EYS: variants seen among roughly 807,000 people sequenced by gnomAD.
EYS encodes protein eyes shut homolog.
A neutral mutation model predicts 282.1 loss-of-function variants in EYS; 250 were observed. The observed-to-expected ratio is 0.89, with a 90% CI of 0.80 to 0.98. EYS has a LOEUF of 0.98. Ranked by LOEUF, EYS falls within the 50% of genes least tolerant of loss-of-function variation. The pLI, the probability that EYS is intolerant of heterozygous loss-of-function variation, is 0.00. For synonymous variants in EYS, 1,355 were observed against 1,282.9 expected, an observed-to-expected ratio of 1.06 and a Z score of -1.20; for missense variants, 4,016 against 3,709.0, an observed-to-expected ratio of 1.08 and a Z score of -2.15.
intron 13 of EYS, among the ~76,000 whole-genome samples, chr6:65,048,882 C>G (rs1319898264): frequency 6.6e-6 from 1 of 151,804 alleles, no homozygotes; most frequent in Non-Finnish European, 1.5e-5. Context: ...TATCCAATTA[C>G]CTAACTCAAG....
chr6:65,493,492 C>T (rs1766123271), intron 4 of EYS, among the ~76,000 whole-genome samples: 1 of 152,146 alleles, frequency 6.6e-6, no homozygotes, highest in Admixed American at 6.5e-5. Context: ...TGTAACTCTC[C>T]ATGCCAGGTC....
chr6:64,743,008 A>T lies in EYS; in HGVS notation c.3443+70370T>A, dbSNP rs550302889. ...AAGGATTTAGTCTCTTTCCTCCCAT[A>T]CTGTGCTATCTGCTAAGATTTACTT... On this transcript the variant is annotated intron_variant, in intron 22 of 42. Transcript: ENST00000503581. Among the ~76,000 whole-genome samples, 33 of 152,232 alleles carry T rather than the reference A, an allele frequency of 2.2e-4. No individual in the cohort carries two copies. The East Asian group carries it at 4.8e-3, about 22-fold the overall frequency.
At chr6:65,124,911 T>A (rs1283696497) in intron 12 of EYS, among the ~76,000 whole-genome samples, 1 of 152,184 alleles carries the variant, frequency 6.6e-6, no homozygotes, top group Non-Finnish European at 1.5e-5. Flanking sequence ...AAATAAATAG[T>A]CACAGTGGAG....
Position 64,813,506 on chromosome 6 carries a change from G to A in EYS, c.3315C>T (p.Cys1105=), listed in dbSNP as rs2150016219. 15 of 1,550,448 alleles carry A rather than the reference G, an allele frequency of 9.7e-6. No individual in the cohort carries two copies. Among genetic ancestry groups the A allele is most frequent in the Non-Finnish European group, 1.1e-5 (13 of 1,146,192 alleles). Residue 1105 remains cysteine (C), a synonymous_variant, in exon 22 of 43, where the codon TGC becomes TGT. Coordinates refer to ENST00000503581, the MANE Select transcript of EYS (RefSeq NM_001142800.2). ...AGTATGCACCAGTGTATCCACGTGG[G>A]CAAATGCAAGTAAATCCATGTGCTG... The part of the protein sequence containing the change: ...QKSAHGFTCI[C]PRGYTGAYCE...
intron 35 of EYS, among the ~76,000 whole-genome samples, chr6:63,941,116 C>G (rs1245178591): frequency 5.3e-5 from 8 of 152,130 alleles, no homozygotes. Context: ...CAAGTCTTTG[C>G]TATTGTGAAT....
chr6:64,380,910 G>A (rs1772724419), intron 29 of EYS, among the ~76,000 whole-genome samples: 1 of 151,914 alleles, frequency 6.6e-6, no homozygotes, highest in South Asian at 2.1e-4. Flanking sequence ...AGCCACTCAG[G>A]AGGCTGAGGC....
chr6:64,598,235 C>A (rs1484558058), intron 24 of EYS, among the ~76,000 whole-genome samples: 2 of 152,098 alleles, frequency 1.3e-5, no homozygotes, highest in South Asian at 4.1e-4. Context: ...CCCAGGTGGG[C>A]GGATCACAAG....
chr6:65,611,410 T>C (rs745378718), intron 2 of EYS, among the ~76,000 whole-genome samples: 2 of 152,012 alleles, frequency 1.3e-5, no homozygotes, highest in South Asian at 4.1e-4. Context: ...ATGAATATAA[T>C]ATGGGTATAT....
At chr6:64,498,526 A>C (rs548479911) in intron 26 of EYS, among the ~76,000 whole-genome samples, 17 of 152,004 alleles carry the variant, frequency 1.1e-4, no homozygotes, top group African/African-American at 4.1e-4. Context: ...TACATAGGTA[A>C]ACATGTGCCA....
At chr6:65,385,233 A>T (rs1205381171) in intron 7 of EYS, among the ~76,000 whole-genome samples, 1 of 151,916 alleles carries the variant, frequency 6.6e-6, no homozygotes, top group Non-Finnish European at 1.5e-5. Context: ...CAAAAATATG[A>T]CTTCTCATGA....
intron 26 of EYS, among the ~76,000 whole-genome samples, chr6:64,558,201 C>A (rs1765290043): frequency 6.6e-6 from 1 of 152,026 alleles, no homozygotes; most frequent in Non-Finnish European, 1.5e-5. Context: ...GATTGTTGCT[C>A]TGACTAAATA....
At chr6:64,531,575 T>C (rs1455322706) in intron 26 of EYS, among the ~76,000 whole-genome samples, 2 of 148,212 alleles carry the variant, frequency 1.3e-5, no homozygotes, top group African/African-American at 5.0e-5. Context: ...TTTATTTTAT[T>C]TTATTTTATT....
chr6:65,164,938 C>A (rs1178733037), intron 12 of EYS, among the ~76,000 whole-genome samples: 1 of 151,176 alleles, frequency 6.6e-6, no homozygotes, highest in Non-Finnish European at 1.5e-5. Flanking sequence ...TAGGGGCCAC[C>A]ATAATGATCT....
chr6:65,163,826 ATTTGT>A (rs1487830163), intron 12 of EYS, among the ~76,000 whole-genome samples: 1 of 151,304 alleles, frequency 6.6e-6, no homozygotes, highest in African/African-American at 2.4e-5. Flanking sequence ...AGCCAGGCTC[ATTTGT>A]TTATGCATTG....
intron 22 of EYS, among the ~76,000 whole-genome samples, chr6:64,755,187 A>G (rs1218574180): frequency 6.6e-6 from 1 of 152,154 alleles, no homozygotes; most frequent in Non-Finnish European, 1.5e-5. Flanking sequence ...AGTTCCATTC[A>G]TAATACCTAT....
intron 5 of EYS, among the ~76,000 whole-genome samples, chr6:65,473,856 A>C (rs1456173381): frequency 2.6e-5 from 4 of 151,790 alleles, no homozygotes; most frequent in Non-Finnish European, 5.9e-5. Flanking sequence ...TCAAAAAAAA[A>C]AAAAAGGAAA....
At chr6:64,097,220 G>C (rs971951141) in intron 31 of EYS, among the ~76,000 whole-genome samples, 9 of 152,226 alleles carry the variant, frequency 5.9e-5, no homozygotes, top group Non-Finnish European at 1.0e-4. Context: ...TGAGGAGGCA[G>C]TCTGTTCCGT....
intron 31 of EYS, among the ~76,000 whole-genome samples, chr6:64,112,804 T>G (rs565033687): frequency 5.3e-4 from 80 of 149,740 alleles, no homozygotes; most frequent in African/African-American, 1.9e-3. Flanking sequence ...TATCTATATA[T>G]CTCTCTATAT....
At chr6:64,072,815 T>C (rs770637276) in intron 32 of EYS, among the ~76,000 whole-genome samples, 10 of 151,974 alleles carry the variant, frequency 6.6e-5, no homozygotes, top group Admixed American at 1.3e-4. Flanking sequence ...GACTCATATT[T>C]TTGAGATAAG....
Sources: allele counts gnomAD v4.1 joint callset (sites outside exome capture counted in the v4.1 genomes callset), GRCh38; gene constraint gnomAD v4.1.1; transcripts MANE v1.5; gene names NCBI Gene and HGNC (gene_info 2026-07-23, HGNC 2026-07-21).